Variants in MAML2 observed in about 807,000 individuals in gnomAD.
MAML2 encodes mastermind like transcriptional coactivator 2.
Under a neutral mutation model 96.1 loss-of-function variants are expected in MAML2, and 22 were observed. That is an observed-to-expected ratio of 0.23 (90% CI 0.16 to 0.33). The LOEUF (loss-of-function observed/expected upper bound fraction) is 0.33, where lower values mean the gene tolerates loss of function less well. MAML2 is among the 10% of genes least tolerant of loss of function. The pLI, the probability that MAML2 is intolerant of heterozygous loss-of-function variation, is 1.00. For synonymous variants in MAML2, 561 were observed against 521.3 expected, an observed-to-expected ratio of 1.08 and a Z score of -1.04; for missense variants, 1,367 against 1,392.4, an observed-to-expected ratio of 0.98 and a Z score of 0.29.
At chr11:96,042,603 G>C (rs959246770) in intron 2 of MAML2, among the ~76,000 whole-genome samples, 1 of 151,982 alleles carries the variant, frequency 6.6e-6, no homozygotes, top group Non-Finnish European at 1.5e-5. Flanking sequence ...TTCACCATTG[G>C]CTCCCATCCT....
At chr11:96,212,803 G>T (rs1012498350) in intron 1 of MAML2, among the ~76,000 whole-genome samples, 29 of 152,296 alleles carry the variant, frequency 1.9e-4, no homozygotes, top group African/African-American at 5.8e-4. Context: ...AAAGGAGCAA[G>T]AAGACCTCTC....
In MAML2 at chr11:96,219,579, G is replaced by T. The variant is rs144983814; in HGVS notation, c.513+121804C>A. On this transcript the variant is annotated intron_variant, in intron 1 of 4. Coordinates refer to ENST00000524717, the MANE Select transcript of MAML2 (RefSeq NM_032427.4). Reference sequence around the variant, plus strand: ...TTGGTTTCCAATGCTGCCCTGTCCTGTCTGAGCTTTGTAACCCTGAACAAA... The same window carrying T: ...TTGGTTTCCAATGCTGCCCTGTCCTTTCTGAGCTTTGTAACCCTGAACAAA... Among the ~76,000 whole-genome samples, 11 of 152,268 alleles carry T rather than the reference G, an allele frequency of 7.2e-5. No individual in the cohort carries two copies. The East Asian group carries it at 2.1e-3, about 29-fold the overall frequency.
intron 1 of MAML2, among the ~76,000 whole-genome samples, chr11:96,211,478 A>C (rs1420852384): frequency 6.6e-6 from 1 of 151,712 alleles, no homozygotes; most frequent in African/African-American, 2.4e-5. Flanking sequence ...CCTGTTATCC[A>C]ATTTGATGAG....
At chr11:96,295,040 T>C (rs1863271860) in intron 1 of MAML2, among the ~76,000 whole-genome samples, 1 of 152,230 alleles carries the variant, frequency 6.6e-6, no homozygotes, top group Non-Finnish European at 1.5e-5. Flanking sequence ...ATTTAGGAAT[T>C]TCTCCCAGGT....
At chr11:96,182,779 A>G (rs763780031) in intron 1 of MAML2, among the ~76,000 whole-genome samples, 10 of 152,084 alleles carry the variant, frequency 6.6e-5, no homozygotes, top group Non-Finnish European at 1.0e-4. Flanking sequence ...TGTTCTTTTC[A>G]TTTCAACATG....
At chr11:96,204,234 T>G (rs540339744) in intron 1 of MAML2, among the ~76,000 whole-genome samples, 1 of 152,320 alleles carries the variant, frequency 6.6e-6, no homozygotes, top group South Asian at 2.1e-4. Context: ...CATATACTAT[T>G]GCCCACCCAA....
At position 96,269,164 on chromosome 11, in the gene MAML2, T is replaced by C. The variant is rs1862874941; in HGVS notation, c.513+72219A>G. ...GACTTTTGAGAAATTTCAAGTTGCC[T>C]GTTATTGAAGATGATTAAGACGGAT... On this transcript the variant is annotated intron_variant, in intron 1 of 4. Coordinates refer to ENST00000524717, the MANE Select transcript of MAML2 (RefSeq NM_032427.4). Among the ~76,000 whole-genome samples the C allele has an allele frequency of 2.1e-5, 3 of 144,752 alleles. No homozygotes were observed. The South Asian group carries it at 6.5e-4, about 31-fold the overall frequency. 95.0% of individuals were successfully genotyped at this position (144,752 alleles called of 152,430 possible). A position where few individuals can be genotyped will look rare whatever the true frequency, so the allele number is the denominator to read the frequency against.
chr11:96,094,515 C>T (rs1227674563), intron 1 of MAML2, among the ~76,000 whole-genome samples: 1 of 152,164 alleles, frequency 6.6e-6, no homozygotes, highest in Admixed American at 6.5e-5. Context: ...GAAAGGGGAG[C>T]TTGTCTAAAC....
chr11:96,202,731 G>A (rs1361062846), intron 1 of MAML2, among the ~76,000 whole-genome samples: 4 of 151,790 alleles, frequency 2.6e-5, no homozygotes, highest in African/African-American at 4.8e-5. Context: ...GGGTTCAAGC[G>A]ATTCTCCTGT....
chr11:96,099,496 T>C (rs1284470812), intron 1 of MAML2, among the ~76,000 whole-genome samples: 1 of 152,166 alleles, frequency 6.6e-6, no homozygotes, highest in Admixed American at 6.5e-5. Context: ...ACACAGTAAT[T>C]AGGTTTGCCC....
chr11:96,118,929 T>C (rs1443092443), intron 1 of MAML2, among the ~76,000 whole-genome samples: 2 of 152,164 alleles, frequency 1.3e-5, no homozygotes, highest in East Asian at 3.8e-4. Context: ...TTTTTCCTAT[T>C]GTTTCATTCC....
chr11:96,097,791 G>T (rs116759175), intron 1 of MAML2, among the ~76,000 whole-genome samples: 3,702 of 152,212 alleles, frequency 0.024, 157 homozygotes, highest in African/African-American at 0.083. Flanking sequence ...GTATACTGAA[G>T]GCTTATTCTA....
chr11:96,251,365 G>A (rs1862579321), intron 1 of MAML2, among the ~76,000 whole-genome samples: 1 of 152,106 alleles, frequency 6.6e-6, no homozygotes, highest in African/African-American at 2.4e-5. Context: ...TTTCTCTAAG[G>A]TATTGGGATA....
At chr11:96,059,528 A>G (rs1256644698) in intron 2 of MAML2, among the ~76,000 whole-genome samples, 1 of 152,186 alleles carries the variant, frequency 6.6e-6, no homozygotes, top group Admixed American at 6.5e-5. Flanking sequence ...GAATAAAACT[A>G]TCCTATTTCG....
intron 2 of MAML2, among the ~76,000 whole-genome samples, chr11:96,039,459 T>G (rs1236559849): frequency 2.6e-5 from 4 of 151,454 alleles, no homozygotes; most frequent in African/African-American, 9.7e-5. Context: ...TCCATAAAAG[T>G]AACATAGGAG....
chr11:96,262,656 A>G (rs1391111763), intron 1 of MAML2, among the ~76,000 whole-genome samples: 1 of 152,080 alleles, frequency 6.6e-6, no homozygotes, highest in Non-Finnish European at 1.5e-5. Context: ...TTTGTAGTAG[A>G]GATGGGGTTT....
chr11:96,303,883 ATGTC>A (rs2136000039), intron 1 of MAML2, among the ~76,000 whole-genome samples: 1 of 152,326 alleles, frequency 6.6e-6, no homozygotes, highest in East Asian at 1.9e-4. Context: ...TCTCTCCAGA[ATGTC>A]TGAGAAAACA....
intron 2 of MAML2, among the ~76,000 whole-genome samples, chr11:96,005,168 C>T (rs1418633843): frequency 1.3e-5 from 2 of 152,330 alleles, no homozygotes; most frequent in East Asian, 3.9e-4. Flanking sequence ...ATTACCCATT[C>T]TGTGGTATTT....
chr11:96,171,593 C>A (rs187579696), intron 1 of MAML2, among the ~76,000 whole-genome samples: 12 of 152,272 alleles, frequency 7.9e-5, no homozygotes, highest in Non-Finnish European at 1.6e-4. Context: ...TTCTGGTTGT[C>A]AATGCAGTCA....
Sources: gnomAD v4.1 joint callset for allele counts (sites outside exome capture counted in the v4.1 genomes callset) on GRCh38, gnomAD v4.1.1 for gene constraint, MANE v1.5 for transcripts, NCBI Gene and HGNC (gene_info 2026-07-23, HGNC 2026-07-21) for gene names.